KCNS3: variants seen among roughly 807,000 people sequenced by gnomAD.
KCNS3 encodes the protein delayed-rectifier potassium channel regulatory subunit KCNS3.
KCNS3 carries 13 observed loss-of-function variants against 31.0 expected under a neutral mutation model. That is an observed-to-expected ratio of 0.42 (90% confidence interval 0.27 to 0.67). The LOEUF is 0.67. KCNS3 is among the 30% of genes least tolerant of loss of function. The pLI is 0.25. For synonymous variants in KCNS3, 238 were observed against 241.5 expected, an observed-to-expected ratio of 0.99 and a Z score of 0.13; for missense variants, 545 against 622.4, an observed-to-expected ratio of 0.88 and a Z score of 1.32.
intron 1 of KCNS3, among the ~76,000 whole-genome samples, chr2:17,907,721 C>T (rs1324961177): frequency 6.6e-6 from 1 of 152,098 alleles, no homozygotes; most frequent in Non-Finnish European, 1.5e-5. Context: ...GCTTAAGAAG[C>T]TTAGTTTGGC....
At chr2:17,905,425 CT>C (rs1248765235) in intron 1 of KCNS3, among the ~76,000 whole-genome samples, 1 of 152,150 alleles carries the variant, frequency 6.6e-6, no homozygotes, top group Non-Finnish European at 1.5e-5. Flanking sequence ...ATTTGACTTC[CT>C]CTTTTCCTAA....
At chr2:17,921,913 G>GTATATATATATATATA (rs1373281256) in intron 2 of KCNS3, among the ~76,000 whole-genome samples, 3 of 34,114 alleles carry the variant, frequency 8.8e-5, no homozygotes, top group East Asian at 1.7e-3. Flanking sequence ...GTGTGTGTGT[G>GTATATATATATATATA]TGTATATATA....
chr2:17,919,776 C>G (rs892779353), intron 2 of KCNS3: 1 of 152,208 alleles, frequency 6.6e-6, no homozygotes, highest in Non-Finnish European at 1.5e-5. Context: ...TCACGCTTTA[C>G]AGCAAGCCTT....
intron 1 of KCNS3, among the ~76,000 whole-genome samples, chr2:17,893,941 T>C (rs1387585344): frequency 9.4e-5 from 2 of 21,316 alleles, no homozygotes; most frequent in Admixed American, 4.7e-4. Context: ...CAGGAGCCAG[T>C]TTTTTTTTTT....
chr2:17,910,461 A>T (rs749453610), intron 1 of KCNS3, among the ~76,000 whole-genome samples: 1 of 152,088 alleles, frequency 6.6e-6, no homozygotes, highest in Admixed American at 6.5e-5. Context: ...CCCTACTCTA[A>T]CTCTTAGGTG....
At chr2:17,887,265 C>G (rs993466972) in intron 1 of KCNS3, among the ~76,000 whole-genome samples, 8 of 151,964 alleles carry the variant, frequency 5.3e-5, no homozygotes, top group Admixed American at 2.6e-4. Flanking sequence ...ATCCCTCCCC[C>G]ACTCCCACTC....
intron 1 of KCNS3, among the ~76,000 whole-genome samples, chr2:17,912,487 C>T (rs1396894202): frequency 1.3e-5 from 2 of 152,206 alleles, no homozygotes; most frequent in South Asian, 2.1e-4. Context: ...CTCAGAGTGA[C>T]CCTAGAGCCC....
rs369640595 is a variant in KCNS3, at chr2:17,888,643, A to C, written c.-252+9837A>C. On this transcript the variant is annotated intron_variant, in intron 1 of 2. Coordinates refer to ENST00000304101, the MANE Select transcript of KCNS3 (RefSeq NM_002252.5). Reference sequence around the variant, plus strand: ...ATAAAAAAAATGTATATATATATATATATATATATATATATATATATATAT... The same window carrying C: ...ATAAAAAAAATGTATATATATATATCTATATATATATATATATATATATAT... Among the ~76,000 whole-genome samples the C allele has an allele frequency of 9.1e-4, 107 of 117,448 alleles. 2 individuals are homozygous for C. The highest frequency in any genetic ancestry group is 5.5e-3 in the East Asian group (23 of 4,204). 77.1% of individuals were successfully genotyped at this position (117,448 alleles called of 152,430 possible).
At chr2:17,879,373 C>G (rs1023829778) in intron 1 of KCNS3, 1 of 152,370 alleles carries the variant, frequency 6.6e-6, no homozygotes, top group African/African-American at 2.4e-5. Context: ...AGGCGCCCCG[C>G]GACAGTTGCA....
intron 1 of KCNS3, among the ~76,000 whole-genome samples, chr2:17,905,745 T>C (rs1201760446): frequency 6.6e-6 from 1 of 152,248 alleles, no homozygotes; most frequent in Non-Finnish European, 1.5e-5. Flanking sequence ...TTGGTTCTGT[T>C]TATATGCTGG....
intron 1 of KCNS3, among the ~76,000 whole-genome samples, chr2:17,912,039 C>A (rs755759555): frequency 9.9e-5 from 15 of 152,192 alleles, no homozygotes; most frequent in Non-Finnish European, 2.1e-4. Context: ...GTATTCATTG[C>A]ATGGCTACCC....
chr2:17,878,311 G>A (rs1205140572), upstream of KCNS3, among the ~76,000 whole-genome samples: 1 of 152,120 alleles, frequency 6.6e-6, no homozygotes, highest in African/African-American at 2.4e-5. Context: ...GGGCCACGGC[G>A]CTTCCGGCCC....
chr2:17,905,505 G>T (rs1242444145), intron 1 of KCNS3, among the ~76,000 whole-genome samples: 1 of 152,212 alleles, frequency 6.6e-6, no homozygotes, highest in African/African-American at 2.4e-5. Context: ...ATGTTGAATA[G>T]GAGTGGTGAG....
chr2:17,888,643 A>G (rs369640595), intron 1 of KCNS3, among the ~76,000 whole-genome samples: 19,718 of 117,408 alleles, frequency 0.17, 2,271 homozygotes, highest in Non-Finnish European at 0.25. Context: ...ATATATATAT[A>G]TATATATATA....
intron 2 of KCNS3, among the ~76,000 whole-genome samples, chr2:17,926,016 T>G (rs1662829885): frequency 6.6e-6 from 1 of 152,220 alleles, no homozygotes; most frequent in Non-Finnish European, 1.5e-5. Context: ...AGGCATTGGA[T>G]AAATGCTTCC....
At chr2:17,922,385 G>T (rs1662739256) in intron 2 of KCNS3, among the ~76,000 whole-genome samples, 1 of 151,940 alleles carries the variant, frequency 6.6e-6, no homozygotes, top group African/African-American at 2.4e-5. Flanking sequence ...TTTAAAAAAT[G>T]ATAAATAGAA....
At chr2:17,909,244 G>C (rs1255575184) in intron 1 of KCNS3, among the ~76,000 whole-genome samples, 1 of 152,216 alleles carries the variant, frequency 6.6e-6, no homozygotes, top group Non-Finnish European at 1.5e-5. Context: ...CGTGGGCGTG[G>C]GACCCTCCAA....
chr2:17,896,473 C>T (rs565397906), intron 1 of KCNS3, among the ~76,000 whole-genome samples: 4 of 151,782 alleles, frequency 2.6e-5, no homozygotes, highest in South Asian at 2.1e-4. Context: ...GCATTGGAGA[C>T]GGGCCTCTGT....
At chr2:17,884,266 AAAATATATATATATATATAT>A (rs1674714687) in intron 1 of KCNS3, among the ~76,000 whole-genome samples, 1 of 45,144 alleles carries the variant, frequency 2.2e-5, no homozygotes, top group East Asian at 1.5e-3. Context: ...TAAAAAAAAA[AAAATATATATATATATATAT>A]ATATATATAT....
Sources: allele counts gnomAD v4.1 joint callset (sites outside exome capture counted in the v4.1 genomes callset), GRCh38; gene constraint gnomAD v4.1.1; transcripts MANE v1.5; gene names NCBI Gene and HGNC (gene_info 2026-07-23, HGNC 2026-07-21).